Variants in TBC1D14 observed in about 807,000 individuals in gnomAD.
TBC1D14 encodes the protein TBC1 domain family member 14.
TBC1D14 carries 26 observed loss-of-function variants against 79.0 expected under a neutral mutation model. The observed-to-expected ratio is 0.33, with a 90% CI of 0.24 to 0.46. TBC1D14 has a LOEUF of 0.46. Ranked by LOEUF, TBC1D14 falls within the 20% of genes least tolerant of loss-of-function variation. TBC1D14 has a pLI of 1.00. For missense variants in TBC1D14, 769 were observed against 887.6 expected, an observed-to-expected ratio of 0.87 and a Z score of 1.70; for synonymous variants, 394 against 349.9, an observed-to-expected ratio of 1.13 and a Z score of -1.40.
intron 2 of TBC1D14, among the ~76,000 whole-genome samples, chr4:6,933,874 A>G (rs763474530): frequency 4.6e-5 from 7 of 152,190 alleles, no homozygotes; most frequent in Non-Finnish European, 7.3e-5. Context: ...GAGTCCAGAC[A>G]AGAGGTGATG....
intron 7 of TBC1D14, among the ~76,000 whole-genome samples, chr4:7,002,864 T>G (rs1236431432): frequency 1.3e-5 from 2 of 152,220 alleles, no homozygotes; most frequent in African/African-American, 4.8e-5. Context: ...GGATCTTATT[T>G]AATATTGACA....
chr4:6,963,899 C>T (rs904107875), intron 2 of TBC1D14, among the ~76,000 whole-genome samples: 23 of 152,022 alleles, frequency 1.5e-4, no homozygotes, highest in African/African-American at 4.6e-4. Context: ...CAGGTTCAAG[C>T]GATTCTTTGT....
chr4:6,920,058 G>C (rs948986626), intron 1 of TBC1D14, among the ~76,000 whole-genome samples: 3 of 152,054 alleles, frequency 2.0e-5, no homozygotes, highest in Non-Finnish European at 4.4e-5. Flanking sequence ...GGGACTACAG[G>C]TGTGCACTAC....
chr4:7,006,614 T>C lies in TBC1D14; in HGVS notation c.1352-18T>C. 3 of 1,607,902 alleles carry C rather than the reference T, an allele frequency of 1.9e-6. No individual in the cohort carries two copies. Among genetic ancestry groups the C allele is most frequent in the Non-Finnish European group, 2.6e-6 (3 of 1,175,094 alleles). On this transcript the variant is annotated intron_variant, in intron 8 of 13. Coordinates refer to ENST00000409757, the MANE Select transcript of TBC1D14 (RefSeq NM_020773.3). ...CGTGCCCTTGAGGAATGTAATTATTTTTGGCATCTTTTGACAGATGCTGGT... is the reference window on the plus strand; with the variant it reads ...CGTGCCCTTGAGGAATGTAATTATTCTTGGCATCTTTTGACAGATGCTGGT...
At position 6,923,924 on chromosome 4, in the gene TBC1D14, G is replaced by C. The variant is rs767801846; in HGVS notation, c.535G>C (p.Asp179His). ...TLSVSNEDIL[D>H]LVVTSSSSAI... ...GTCCGTCAGCAATGAGGACATCTTG[G>C]ACCTTGTGGTCACGAGCAGCTCCAG... The change falls in exon 2 of 14, where the codon GAC becomes CAC. Residue 179 changes from aspartate (D) to histidine (H), a missense_variant. Physicochemically the swap from Asp to His is moderately conservative, Grantham distance 81. Transcript: ENST00000409757. The C allele has an allele frequency of 3.7e-6, 6 of 1,614,044 alleles. No homozygotes were observed. The East Asian group carries it at 1.3e-4, about 36-fold the overall frequency.
chr4:6,945,334 G>A (rs371125605), intron 2 of TBC1D14, among the ~76,000 whole-genome samples: 41 of 152,222 alleles, frequency 2.7e-4, no homozygotes, highest in African/African-American at 9.2e-4. Flanking sequence ...TGTAAGGCAG[G>A]TGTTTACAGT....
In TBC1D14 at chr4:6,967,425, G is replaced by T. The variant is rs1449873857; in HGVS notation, c.843+1G>T. On this transcript the variant is annotated splice_donor_variant, in intron 3 of 13. Transcript: ENST00000409757. LOFTEE classifies it high-confidence loss of function. ...GAAGGATTCAAAGAGAATACAGAAG[G>T]TACACAAGATACAAAATCACAGAAA... 1 of 1,611,420 alleles carries T rather than the reference G, an allele frequency of 6.2e-7. No individual in the cohort carries two copies. Among genetic ancestry groups the T allele is most frequent in the Non-Finnish European group, 8.5e-7 (1 of 1,179,524 alleles).
chr4:6,936,416 C>T (rs1712331076), intron 2 of TBC1D14, among the ~76,000 whole-genome samples: 2 of 152,198 alleles, frequency 1.3e-5, no homozygotes, highest in East Asian at 1.9e-4. Flanking sequence ...TTCAGACTGG[C>T]TTCTTTTACT....
At position 6,976,900 on chromosome 4, in the gene TBC1D14, A is replaced by G. The variant is rs188730535; in HGVS notation, c.843+9476A>G. On this transcript the variant is annotated intron_variant, in intron 3 of 13. Coordinates refer to ENST00000409757, the MANE Select transcript of TBC1D14 (RefSeq NM_020773.3). ...TGCAAAGTTGGTGACTTAAAACACCATAAATATAAAGACATTCACAAAACC... is the reference window on the plus strand; with the variant it reads ...TGCAAAGTTGGTGACTTAAAACACCGTAAATATAAAGACATTCACAAAACC... Among the ~76,000 whole-genome samples, 13 of 152,210 alleles carry G rather than the reference A, an allele frequency of 8.5e-5. No homozygotes were observed. The East Asian group carries it at 2.5e-3, about 29-fold the overall frequency.
rs995541047 is a variant in TBC1D14, at chr4:6,999,220, G to T, written c.1163+18G>T. On this transcript the variant is annotated intron_variant, in intron 6 of 13. Coordinates refer to ENST00000409757, the MANE Select transcript of TBC1D14 (RefSeq NM_020773.3). ...GAAACAATGTAAGATGTGGCTCTGG[G>T]TGTGGCTGAACTGCAGAGCATGTCT... The T allele has an allele frequency of 1.3e-6, 2 of 1,599,548 alleles. No homozygotes were observed. Among genetic ancestry groups the T allele is most frequent in the African/African-American group, 2.7e-5 (2 of 74,634 alleles).
intron 12 of TBC1D14, among the ~76,000 whole-genome samples, chr4:7,016,472 G>A (rs773959673): frequency 1.3e-5 from 2 of 152,242 alleles, no homozygotes; most frequent in Non-Finnish European, 2.9e-5. Context: ...GAGGACGGGA[G>A]GGGATCCAGG....
chr4:6,967,462 A>C, intron 3 of TBC1D14, 38 bp downstream of exon 3: 1 of 1,604,908 alleles, frequency 6.2e-7, no homozygotes, highest in South Asian at 1.1e-5. Context: ...AGGCTGTTGG[A>C]TGTGTTTAGC....
intron 1 of TBC1D14, among the ~76,000 whole-genome samples, chr4:6,918,225 G>A (rs932674705): frequency 6.6e-6 from 1 of 152,224 alleles, no homozygotes; most frequent in African/African-American, 2.4e-5. Flanking sequence ...TCAGGGAAGG[G>A]TCCTTGGATT....
intron 12 of TBC1D14, among the ~76,000 whole-genome samples, chr4:7,018,005 A>T (rs138417401): frequency 9.3e-4 from 142 of 152,286 alleles, no homozygotes; most frequent in African/African-American, 2.7e-3. Context: ...GCCATTTCAG[A>T]AGCACTCGTC....
At chr4:6,953,213 CG>C (rs1695837635) in intron 2 of TBC1D14, among the ~76,000 whole-genome samples, 1 of 148,574 alleles carries the variant, frequency 6.7e-6, no homozygotes, top group Non-Finnish European at 1.5e-5. Context: ...TTAGTAGAGA[CG>C]GGGTTTCACC....
At chr4:6,961,758 CG>C (rs928843845) in intron 2 of TBC1D14, among the ~76,000 whole-genome samples, 1 of 151,990 alleles carries the variant, frequency 6.6e-6, no homozygotes, top group African/African-American at 2.4e-5. Flanking sequence ...GCTGTACCTG[CG>C]GGGTGCCTGA....
At chr4:6,932,321 A>G (rs1340208349) in intron 2 of TBC1D14, among the ~76,000 whole-genome samples, 5 of 151,862 alleles carry the variant, frequency 3.3e-5, no homozygotes, top group Non-Finnish European at 7.4e-5. Flanking sequence ...GCAGCGAGCC[A>G]AGATCGCCGC....
chr4:6,932,976 C>T (rs1711906529), intron 2 of TBC1D14, among the ~76,000 whole-genome samples: 1 of 152,108 alleles, frequency 6.6e-6, no homozygotes, highest in Non-Finnish European at 1.5e-5. Context: ...GAATTGTCTG[C>T]TTCCAGGCTC....
At chr4:6,965,217 G>A (rs1045165564) in intron 2 of TBC1D14, among the ~76,000 whole-genome samples, 2 of 151,908 alleles carry the variant, frequency 1.3e-5, no homozygotes, top group African/African-American at 2.4e-5. Flanking sequence ...GAGTGCAATG[G>A]TGTGATCTTG....
Sources: allele counts gnomAD v4.1 joint callset (sites outside exome capture counted in the v4.1 genomes callset), GRCh38; gene constraint gnomAD v4.1.1; transcripts MANE v1.5; gene names NCBI Gene and HGNC (gene_info 2026-07-23, HGNC 2026-07-21).